PARP12: variants seen among roughly 807,000 people sequenced by gnomAD.
PARP12 encodes the protein poly(ADP-ribose) polymerase family member 12, also known as protein mono-ADP-ribosyltransferase PARP12.
PARP12 carries 59 observed loss-of-function variants against 72.4 expected under a neutral mutation model. The ratio of observed to expected loss-of-function variants is 0.81; its 90% CI spans 0.66 to 1.01. The LOEUF (loss-of-function observed/expected upper bound fraction) is 1.01, where lower values mean the gene tolerates loss of function less well. Among genes scored for constraint, PARP12 ranks in the 50% least tolerant of loss-of-function variants. PARP12 has a pLI of 0.00. For missense variants in PARP12, 851 were observed against 914.0 expected, an observed-to-expected ratio of 0.93 and a Z score of 0.89; for synonymous variants, 403 against 371.4, an observed-to-expected ratio of 1.09 and a Z score of -0.98.
chr7:140,059,009 C>T (rs1455288926), intron 1 of PARP12, among the ~76,000 whole-genome samples: 1 of 151,688 alleles, frequency 6.6e-6, no homozygotes, highest in Admixed American at 6.6e-5. Context: ...GCAGGACAAT[C>T]GCTTGAACCC....
chr7:140,055,378 T>C (rs1029796677), intron 3 of PARP12, among the ~76,000 whole-genome samples: 6 of 152,198 alleles, frequency 3.9e-5, no homozygotes, highest in Non-Finnish European at 8.8e-5. Flanking sequence ...ATTATCAGGA[T>C]CTTAATATAA....
At chr7:140,030,513 G>A (rs569340289) in intron 8 of PARP12, among the ~76,000 whole-genome samples, 18 of 152,334 alleles carry the variant, frequency 1.2e-4, no homozygotes, top group Admixed American at 3.9e-4. Flanking sequence ...CAGGAGAATC[G>A]CTTGAACTCA....
At position 140,024,629 on chromosome 7, in the gene PARP12, G is replaced by C. The variant is rs376489344; in HGVS notation, c.2037C>G (p.Thr679=). ...VYPEYVIQYT[T]SSKPSVTPSI... ...AGGGTGTGACCGAGGGCTTGGAGGAGGTGGTGTACTGGATGACATACTCTG... is the reference window on the plus strand; with the variant it reads ...AGGGTGTGACCGAGGGCTTGGAGGACGTGGTGTACTGGATGACATACTCTG... Residue 679 remains threonine (T), a synonymous_variant, in exon 12 of 12, where the codon ACC becomes ACG. Coordinates refer to ENST00000263549, the MANE Select transcript of PARP12 (RefSeq NM_022750.4). 3.7e-6 allele frequency: 6 copies of C among 1,614,066 alleles called. No individual in the cohort carries two copies. The African/African-American group carries it at 4.0e-5, about 11-fold the overall frequency.
chr7:140,024,723 T>C lies in PARP12; in HGVS notation c.1943A>G (p.Tyr648Cys), dbSNP rs745403775. Residue 648 changes from tyrosine (Y) to cysteine (C), a missense_variant, in exon 12 of 12, where the codon TAT becomes TGT. Tyr to Cys is a radical substitution (Grantham distance 194). Around this residue, in one of 3 missense-constraint regions of PARP12, gnomAD observed 347 missense variants for 396.1 expected, o/e 0.88. Coordinates refer to ENST00000263549, the MANE Select transcript of PARP12 (RefSeq NM_022750.4). ...PAKEGWSNAF[Y>C]DSCVNSVSDP... ...GGACACACTGTTCACGCAGCTATCA[T>C]AGAAGGCGTTGCTCCAGCCCTCCTT... The C allele has an allele frequency of 3.7e-6, 6 of 1,614,014 alleles. No individual in the cohort carries two copies. The highest frequency in any genetic ancestry group is 5.1e-6 in the Non-Finnish European group (6 of 1,180,042).
intron 6 of PARP12, among the ~76,000 whole-genome samples, chr7:140,040,716 T>TA (rs1816429379): frequency 3.9e-5 from 6 of 152,300 alleles, no homozygotes; most frequent in African/African-American, 1.4e-4. Context: ...GAGTACAAAA[T>TA]ACCTATCGAT....
intron 5 of PARP12, 139 bp from the exon 6 acceptor site, chr7:140,041,978 G>C: frequency 1.5e-6 from 1 of 671,560 alleles, no homozygotes; most frequent in East Asian, 2.7e-5. Flanking sequence ...CAGAGGTAGA[G>C]GAAACTGCTT....
chr7:140,054,675 A>G lies in PARP12; in HGVS notation c.849T>C (p.Ser283=). ...CTTCCAACTTACCTTGAAAGCTACAACTTTTCCGGATATGGTACAAACAGA... is the reference window on the plus strand; with the variant it reads ...CTTCCAACTTACCTTGAAAGCTACAGCTTTTCCGGATATGGTACAAACAGA... ...DQICLYHIRK[S]CSFQDKCHRV... Residue 283 remains serine (S), a synonymous_variant, in exon 4 of 12, where the codon AGT becomes AGC. Transcript: ENST00000263549. The G allele has an allele frequency of 6.2e-7, 1 of 1,613,176 alleles. No individual in the cohort carries two copies. Among genetic ancestry groups the G allele is most frequent in the Non-Finnish European group, 8.5e-7 (1 of 1,179,122 alleles).
chr7:140,025,003 A>G (rs1815678706), intron 11 of PARP12, 118 bp from the exon 12 acceptor site: 4 of 861,040 alleles, frequency 4.6e-6, no homozygotes, highest in Non-Finnish European at 7.2e-6. Context: ...TCCACCCCGC[A>G]TCTCCCTCCC....
intron 5 of PARP12, 32 bp downstream of exon 5, chr7:140,046,852 C>T (rs1163400243): frequency 6.3e-7 from 1 of 1,598,300 alleles, no homozygotes; most frequent in African/African-American, 1.4e-5. Context: ...GAAGCCCAGG[C>T]ACAAAGCAGA....
chr7:140,027,210 G>A, intron 10 of PARP12, 66 bp downstream of exon 10: 1 of 1,575,174 alleles, frequency 6.3e-7, no homozygotes, highest in Non-Finnish European at 8.7e-7. Flanking sequence ...CGGGCCACAT[G>A]TGGCAACCAG....
intron 4 of PARP12, 148 bp downstream of exon 4, chr7:140,054,514 T>C: frequency 1.6e-6 from 1 of 617,642 alleles, no homozygotes; most frequent in Admixed American, 2.9e-5. Context: ...ACAAAATACC[T>C]TCAGAATTGG....
Position 140,057,917 on chromosome 7 carries a change from G to A in PARP12, c.444C>T (p.Asp148=), listed in dbSNP as rs762675321. Residue 148 remains aspartate, a synonymous_variant, in exon 2 of 12, where the codon GAC becomes GAT. Transcript: ENST00000263549. ...CACTCACTTCTGGCAAAAGCCAGGG[G>A]TCGTTCTGAAACAAGAGTTGGCATA... ...NELCQLLFQN[D]PWLLPEICQH... 36 of 1,614,094 alleles carry A rather than the reference G, an allele frequency of 2.2e-5. No homozygotes were observed. The highest frequency in any genetic ancestry group is 2.7e-5 in the Non-Finnish European group (32 of 1,180,048).
chr7:140,041,773 G>A lies in PARP12; in HGVS notation c.1053C>T (p.Tyr351=), dbSNP rs12112917. 9.2e-4 allele frequency: 1,488 copies of A among 1,614,068 alleles called. 16 individuals are homozygous for A. In the African/African-American group the frequency reaches 0.018, roughly 19 times the overall value. Residue 351 remains tyrosine (Y), a synonymous_variant, in exon 6 of 12, where the codon TAC becomes TAT. Coordinates refer to ENST00000263549, the MANE Select transcript of PARP12 (RefSeq NM_022750.4). ...SHCLNFNAMT[Y]GATQARRLST... ...AGAGGCGGCGAGCCTGGGTAGCACC[G>A]TAAGTCATGGCGTTAAAGTTCAGAC...
intron 3 of PARP12, 80 bp downstream of exon 3, chr7:140,056,776 T>C: frequency 2.2e-6 from 3 of 1,394,160 alleles, no homozygotes; most frequent in East Asian, 2.3e-5. Flanking sequence ...TTCCATGTAA[T>C]GGCTAGCTGG....
intron 4 of PARP12, among the ~76,000 whole-genome samples, chr7:140,051,866 A>AT (rs1816975850): frequency 6.6e-6 from 1 of 152,080 alleles, no homozygotes; most frequent in African/African-American, 2.4e-5. Context: ...CTTTCTGGGC[A>AT]TTTTTTTGCT....
chr7:140,062,112 G>A (rs2116691842), intron 1 of PARP12, among the ~76,000 whole-genome samples: 1 of 152,154 alleles, frequency 6.6e-6, no homozygotes, highest in Non-Finnish European at 1.5e-5. Context: ...GGTTGAACTG[G>A]GTTTAAAGAT....
chr7:140,059,361 TACACACACAC>T (rs36173318), intron 1 of PARP12, among the ~76,000 whole-genome samples: 1 of 148,370 alleles, frequency 6.7e-6, no homozygotes. Context: ...CAGGCGTGTA[TACACACACAC>T]ACACACACAC....
At chr7:140,054,211 A>G (rs1448694984) in intron 4 of PARP12, among the ~76,000 whole-genome samples, 1 of 149,760 alleles carries the variant, frequency 6.7e-6, no homozygotes, top group Non-Finnish European at 1.5e-5. Context: ...ATCAATACAG[A>G]AAAAAAACCC....
Position 140,024,561 on chromosome 7 carries a change from C to A in PARP12, c.2105G>T (p.Ter702LeuextTer14). ...ALGSLFSSRQ[*>L] ...AAGGCCTGGAACACTCCTGTGCGCT[C>A]ACTGTCGGCTGCTGAACAGGGAGCC... Residue 702 changes from the stop codon to leucine (L), a stop_lost, in exon 12 of 12, where the codon TGA becomes TTA. Transcript: ENST00000263549. 6.2e-7 allele frequency: 1 copy of A among 1,614,134 alleles called. No individual in the cohort carries two copies. Among genetic ancestry groups the A allele is most frequent in the South Asian group, 1.1e-5 (1 of 91,050 alleles).
Sources: gnomAD v4.1 joint callset for allele counts (sites outside exome capture counted in the v4.1 genomes callset) on GRCh38, gnomAD v4.1.1 for gene constraint, gnomAD v4.1.1 regional missense constraint, MANE v1.5 for transcripts, NCBI Gene and HGNC (gene_info 2026-07-23, HGNC 2026-07-21) for gene names.